The following EMCN variants were observed in gnomAD, a reference collection of about 807,000 sequenced individuals.
The protein encoded by EMCN is endomucin.
EMCN carries 37 observed loss-of-function variants against 38.4 expected under a neutral mutation model. The ratio of observed to expected loss-of-function variants is 0.96; its 90% CI spans 0.74 to 1.27. The LOEUF is 1.27. EMCN is among the 50% of genes most tolerant of loss of function. The pLI is 0.00. For missense variants in EMCN, 318 were observed against 302.8 expected, an observed-to-expected ratio of 1.05 and a Z score of -0.37; for synonymous variants, 95 against 100.8, an observed-to-expected ratio of 0.94 and a Z score of 0.35.
At chr4:100,414,548 T>C (rs774381362) in intron 10 of EMCN, among the ~76,000 whole-genome samples, 45 of 151,904 alleles carry the variant, frequency 3.0e-4, no homozygotes, top group Non-Finnish European at 5.4e-4. Flanking sequence ...AAAGGAAATA[T>C]GTGTATTGAA....
intron 9 of EMCN, among the ~76,000 whole-genome samples, chr4:100,416,823 G>A (rs909390471): frequency 6.6e-6 from 1 of 152,086 alleles, no homozygotes; most frequent in Non-Finnish European, 1.5e-5. Flanking sequence ...ATTTCACTGG[G>A]AAACTATTTT....
At chr4:100,515,898 T>C (rs896226014) in intron 1 of EMCN, among the ~76,000 whole-genome samples, 14 of 151,978 alleles carry the variant, frequency 9.2e-5, no homozygotes, top group Admixed American at 2.6e-4. Context: ...AAATCATACA[T>C]GTAGATGGGA....
At chr4:100,453,705 A>C (rs1396214334) in intron 4 of EMCN, among the ~76,000 whole-genome samples, 7 of 152,144 alleles carry the variant, frequency 4.6e-5, no homozygotes, top group Non-Finnish European at 1.0e-4. Context: ...TCATGCTGCT[A>C]TAAAGACACA....
intron 4 of EMCN, among the ~76,000 whole-genome samples, chr4:100,455,103 C>T (rs1007302404): frequency 6.6e-6 from 1 of 151,730 alleles, no homozygotes. Context: ...TCCATCTGTT[C>T]TCTGTTTCTT....
chr4:100,431,740 T>A (rs1221459332), intron 5 of EMCN, among the ~76,000 whole-genome samples: 2 of 151,092 alleles, frequency 1.3e-5, no homozygotes, highest in Non-Finnish European at 3.0e-5. Flanking sequence ...TCTCTTTCTC[T>A]CCCTTTCTGC....
chr4:100,442,822 T>C (rs1244403950), intron 5 of EMCN, among the ~76,000 whole-genome samples: 1 of 152,122 alleles, frequency 6.6e-6, no homozygotes, highest in Admixed American at 6.6e-5. Context: ...TCTCCAAGTT[T>C]CCTTCAGTTC....
chr4:100,497,609 C>G (rs1422059216), intron 1 of EMCN, among the ~76,000 whole-genome samples: 1 of 152,130 alleles, frequency 6.6e-6, no homozygotes, highest in African/African-American at 2.4e-5. Context: ...ATCTCCTGAC[C>G]TCATGATCCG....
intron 1 of EMCN, among the ~76,000 whole-genome samples, chr4:100,505,694 G>A (rs1049088682): frequency 2.6e-5 from 4 of 151,954 alleles, no homozygotes; most frequent in East Asian, 3.9e-4. Flanking sequence ...AGCTTACGGC[G>A]CCACATCAAG....
chr4:100,447,782 G>A (rs1278930259), intron 4 of EMCN, among the ~76,000 whole-genome samples: 1 of 151,944 alleles, frequency 6.6e-6, no homozygotes, highest in African/African-American at 2.4e-5. Context: ...TTTCCCTTAA[G>A]GGCCAAATTT....
intron 5 of EMCN, among the ~76,000 whole-genome samples, chr4:100,443,943 A>C (rs1727592700): frequency 6.6e-6 from 1 of 152,200 alleles, no homozygotes; most frequent in African/African-American, 2.4e-5. Context: ...GCAAAAATGT[A>C]GACACTTAGC....
At chr4:100,461,297 CA>C (rs1159327195) in intron 4 of EMCN, among the ~76,000 whole-genome samples, 2 of 152,136 alleles carry the variant, frequency 1.3e-5, no homozygotes, top group Admixed American at 1.3e-4. Context: ...TGAAAATTGG[CA>C]CTACCATCAC....
chr4:100,501,612 T>C (rs1050367290), intron 1 of EMCN, among the ~76,000 whole-genome samples: 3 of 152,130 alleles, frequency 2.0e-5, no homozygotes, highest in Non-Finnish European at 4.4e-5. Context: ...ACATACTGGA[T>C]TGCCCAGTCA....
At chr4:100,466,118 A>G (rs1728308999) in intron 3 of EMCN, among the ~76,000 whole-genome samples, 1 of 152,168 alleles carries the variant, frequency 6.6e-6, no homozygotes, top group Non-Finnish European at 1.5e-5. Context: ...TACAACAAAA[A>G]TATAGGCTGA....
intron 4 of EMCN, among the ~76,000 whole-genome samples, chr4:100,463,083 A>G (rs1728224583): frequency 6.6e-6 from 1 of 152,150 alleles, no homozygotes; most frequent in Admixed American, 6.6e-5. Flanking sequence ...AAGTGTGTTT[A>G]CTATACATAG....
At chr4:100,436,279 A>G (rs1413572326) in intron 5 of EMCN, among the ~76,000 whole-genome samples, 1 of 152,216 alleles carries the variant, frequency 6.6e-6, no homozygotes, top group Non-Finnish European at 1.5e-5. Context: ...ATCATTGATC[A>G]TTAGAGAAAT....
chr4:100,447,149 T>C (rs946664398), intron 5 of EMCN, among the ~76,000 whole-genome samples: 4 of 152,164 alleles, frequency 2.6e-5, no homozygotes, highest in African/African-American at 9.7e-5. Context: ...GTTTCTAAGG[T>C]CATCTTTTTG....
At chr4:100,500,101 T>TAA (rs138663772) in intron 1 of EMCN, among the ~76,000 whole-genome samples, 1 of 151,866 alleles carries the variant, frequency 6.6e-6, no homozygotes, top group African/African-American at 2.4e-5. Context: ...GATTTATTTG[T>TAA]AAAAAAAAGA....
intron 5 of EMCN, among the ~76,000 whole-genome samples, chr4:100,444,435 G>A (rs1490262115): frequency 6.6e-6 from 1 of 152,170 alleles, no homozygotes. Context: ...CTGCTCTAGT[G>A]TAAGTCTGTG....
At chr4:100,417,187 A>G (rs1284416888) in intron 8 of EMCN, 46 bp from the exon 9 acceptor site, 1 of 1,603,638 alleles carries the variant, frequency 6.2e-7, no homozygotes, top group South Asian at 1.1e-5. Context: ...GAAGTTGGCT[A>G]CCATAAATAT....
Sources: gnomAD v4.1 joint callset for allele counts (sites outside exome capture counted in the v4.1 genomes callset) on GRCh38, gnomAD v4.1.1 for gene constraint, MANE v1.5 for transcripts, NCBI Gene and HGNC (gene_info 2026-07-23, HGNC 2026-07-21) for gene names.